HPCAL1: variants seen among roughly 807,000 people sequenced by gnomAD.
The protein encoded by HPCAL1 is hippocalcin-like protein 1.
A neutral mutation model predicts 17.1 loss-of-function variants in HPCAL1; 8 were observed. The observed-to-expected ratio is 0.47, with a 90% CI of 0.27 to 0.84. The LOEUF (loss-of-function observed/expected upper bound fraction) is 0.84. HPCAL1 is among the 40% of genes least tolerant of loss of function. HPCAL1 has a pLI of 0.13. For synonymous variants in HPCAL1, 112 were observed against 111.4 expected (o/e 1.01, Z -0.03); for missense variants, 165 against 271.1 (o/e 0.61, Z 2.75).
At chr2:10,403,801 G>A (rs973751152) in intron 2 of HPCAL1, among the ~76,000 whole-genome samples, 9 of 151,606 alleles carry the variant, frequency 5.9e-5, no homozygotes, top group African/African-American at 1.5e-4. Context: ...GTTCTTATCC[G>A]TTCATTACAA....
At position 10,419,744 on chromosome 2, in the gene HPCAL1, C is replaced by T. The variant is rs200622229; in HGVS notation, c.-14C>T. 71 of 1,599,996 alleles carry T rather than the reference C, an allele frequency of 4.4e-5. No homozygotes were observed. The highest frequency in any genetic ancestry group is 5.5e-5 in the Non-Finnish European group (64 of 1,172,386). On this transcript the variant is annotated 5_prime_UTR_variant, in exon 3 of 5. Transcript: ENST00000307845. This position sits in a 1 kb window ranked among gnomAD's most constrained non-coding sequence, Gnocchi z 5.0. ...CCCCCTGTCTTGCAGGTGTAGTCGC[C>T]GCCGCCAGCCGCCATGGGCAAACAG...
chr2:10,313,686 G>A (rs1050600753), intron 1 of HPCAL1, among the ~76,000 whole-genome samples: 8 of 152,178 alleles, frequency 5.3e-5, no homozygotes, highest in African/African-American at 1.4e-4. Flanking sequence ...CAGTTCTCTC[G>A]TTTGACAAAT....
chr2:10,412,492 G>A (rs561313015), intron 2 of HPCAL1, among the ~76,000 whole-genome samples: 11 of 152,324 alleles, frequency 7.2e-5, no homozygotes, highest in African/African-American at 2.6e-4. Context: ...AGGAAAGGGC[G>A]TGTGCAGCAA....
In HPCAL1 at chr2:10,370,031, T is replaced by C. The variant is rs562861968; in HGVS notation, c.-110-26804T>C. On this transcript the variant is annotated intron_variant, in intron 1 of 4. Transcript: ENST00000307845. Reference sequence around the variant, plus strand: ...TTCAAGAAATGTGCTGGGTTAGGCCTCAGGAGTGGCAGGCACATAGATACT... The same window carrying C: ...TTCAAGAAATGTGCTGGGTTAGGCCCCAGGAGTGGCAGGCACATAGATACT... Among the ~76,000 whole-genome samples the C allele has an allele frequency of 2.0e-5, 3 of 152,340 alleles. No individual in the cohort carries two copies. In the East Asian group the frequency reaches 5.8e-4, roughly 29 times the overall value.
At chr2:10,404,282 G>A (rs3771141) in intron 2 of HPCAL1, among the ~76,000 whole-genome samples, 36,041 of 151,900 alleles carry the variant, frequency 0.24, 4,875 homozygotes, top group South Asian at 0.42. Context: ...CTGTGTCCCC[G>A]CCAGCCCTTC....
chr2:10,353,432 G>A (rs1665946611), intron 1 of HPCAL1, among the ~76,000 whole-genome samples: 1 of 152,190 alleles, frequency 6.6e-6, no homozygotes, highest in Non-Finnish European at 1.5e-5. Context: ...TGCTGTCGTG[G>A]GGGGCCCTGC....
At chr2:10,364,583 C>T (rs1465919778) in intron 1 of HPCAL1, among the ~76,000 whole-genome samples, 1 of 151,722 alleles carries the variant, frequency 6.6e-6, no homozygotes, top group East Asian at 1.9e-4. Flanking sequence ...AAGCTCCCGC[C>T]TCCTTTTTTT....
chr2:10,356,191 A>G (rs1666141900), intron 1 of HPCAL1, among the ~76,000 whole-genome samples: 1 of 152,140 alleles, frequency 6.6e-6, no homozygotes, highest in Non-Finnish European at 1.5e-5. Flanking sequence ...AGGTAGGGCA[A>G]TTTGCCTAAG....
In HPCAL1 at chr2:10,365,132, C is replaced by T. The variant is rs1666766678; in HGVS notation, c.-110-31703C>T. On this transcript the variant is annotated intron_variant, in intron 1 of 4. Transcript: ENST00000307845. The surrounding 1 kb of genome is among the most constrained non-coding windows in gnomAD (Gnocchi z 4.8). ...ATCCCCATCCCTAAATGAGAGTGTCCACACCACCCGCCCTGAGTTCTGAAC... is the reference window on the plus strand; with the variant it reads ...ATCCCCATCCCTAAATGAGAGTGTCTACACCACCCGCCCTGAGTTCTGAAC... Among the ~76,000 whole-genome samples, 1 of 152,124 alleles carries T rather than the reference C, an allele frequency of 6.6e-6. No individual in the cohort carries two copies. The highest frequency in any genetic ancestry group is 2.4e-5 in the African/African-American group (1 of 41,424).
rs978821144 is a variant in HPCAL1 at position 10,343,313 on chromosome 2, G to A, written c.-111+40136G>A. Among the ~76,000 whole-genome samples, 1 of 152,202 alleles carries A rather than the reference G, an allele frequency of 6.6e-6. No homozygotes were observed. Among genetic ancestry groups the A allele is most frequent in the African/African-American group, 2.4e-5 (1 of 41,440 alleles). On this transcript the variant is annotated intron_variant, in intron 1 of 4. Coordinates refer to ENST00000307845, the MANE Select transcript of HPCAL1 (RefSeq NM_002149.4). This position sits in a 1 kb window ranked among gnomAD's most constrained non-coding sequence, Gnocchi z 4.8. ...CTTCCCCTGCCACTCTGCTGAGAAG[G>A]CTGATCTCAATCCTCGGAGTAATGA...
At chr2:10,326,982 T>C (rs988361672) in intron 1 of HPCAL1, among the ~76,000 whole-genome samples, 3 of 152,180 alleles carry the variant, frequency 2.0e-5, no homozygotes, top group Admixed American at 6.5e-5. Context: ...TGTCGGCTCC[T>C]CGGAAGCCCT....
intron 1 of HPCAL1, among the ~76,000 whole-genome samples, chr2:10,389,491 A>G (rs1668547725): frequency 6.6e-6 from 1 of 152,246 alleles, no homozygotes; most frequent in South Asian, 2.1e-4. Flanking sequence ...ATCAGGAGCC[A>G]TCTGTACACC....
chr2:10,401,422 G>A lies in HPCAL1; in HGVS notation c.-25+4502G>A, dbSNP rs953024146. On this transcript the variant is annotated intron_variant, in intron 2 of 4. Transcript: ENST00000307845. The stretch of plus-strand genomic sequence containing the variant: ...ATATCTGTTCTTTTGGGTGTTCCTA[G>A]GCCCCCAGAGGGTCTCCGGGAAACT... Among the ~76,000 whole-genome samples, 7 of 152,088 alleles carry A rather than the reference G, an allele frequency of 4.6e-5. 1 individual carries two copies. Among genetic ancestry groups the A allele is most frequent in the African/African-American group, 1.7e-4 (7 of 41,392 alleles).
rs922222710 is a variant in HPCAL1 at position 10,344,605 on chromosome 2, C to A, written c.-111+41428C>A. On this transcript the variant is annotated intron_variant, in intron 1 of 4. Coordinates refer to ENST00000307845, the MANE Select transcript of HPCAL1 (RefSeq NM_002149.4). The surrounding 1 kb of genome is among the most constrained non-coding windows in gnomAD (Gnocchi z 4.9). ...CAGCCACTATTATACCATCTGGCAG[C>A]TCAGAAATATTTTATAATCAAATGA... Among the ~76,000 whole-genome samples the A allele has an allele frequency of 6.6e-6, 1 of 152,222 alleles. No individual in the cohort carries two copies. The highest frequency in any genetic ancestry group is 2.4e-5 in the African/African-American group (1 of 41,442).
intron 1 of HPCAL1, among the ~76,000 whole-genome samples, chr2:10,334,695 C>CTTTTTTTTTTTTTTTTTTTTT (rs553228833): frequency 2.1e-5 from 3 of 146,326 alleles, no homozygotes; most frequent in Non-Finnish European, 4.5e-5. Flanking sequence ...ATTCCATTGA[C>CTTTTTTTTTTTTTTTTTTTTT]TTTTTTTTGA....
intron 2 of HPCAL1, among the ~76,000 whole-genome samples, chr2:10,417,370 AAAC>A (rs1333626261): frequency 6.6e-6 from 1 of 151,076 alleles, no homozygotes; most frequent in Non-Finnish European, 1.5e-5. Context: ...TCTCAAAAAA[AAAC>A]AAAAAAAAAA....
At chr2:10,409,848 G>A (rs531802781) in intron 2 of HPCAL1, among the ~76,000 whole-genome samples, 1 of 135,212 alleles carries the variant, frequency 7.4e-6, no homozygotes, top group South Asian at 2.4e-4. Context: ...GGAGTGCAGT[G>A]GCACCACCTC....
At chr2:10,317,155 A>AGT (rs1256721884) in intron 1 of HPCAL1, among the ~76,000 whole-genome samples, 1 of 152,206 alleles carries the variant, frequency 6.6e-6, no homozygotes, top group African/African-American at 2.4e-5. Context: ...TTTCTGCAAT[A>AGT]GTGTGTGTGA....
chr2:10,358,669 G>T (rs916670367), intron 1 of HPCAL1, among the ~76,000 whole-genome samples: 27 of 152,274 alleles, frequency 1.8e-4, no homozygotes, highest in African/African-American at 6.0e-4. Flanking sequence ...ATGCCGGCAC[G>T]CTGGCAGGCC....
Sources: gnomAD v4.1 joint callset for allele counts (sites outside exome capture counted in the v4.1 genomes callset) on GRCh38, gnomAD v4.1.1 for gene constraint, Gnocchi (gnomAD v3.1) non-coding constraint, MANE v1.5 for transcripts, NCBI Gene and HGNC (gene_info 2026-07-23, HGNC 2026-07-21) for gene names.